RBMS3: variants seen among roughly 807,000 people sequenced by gnomAD.
RBMS3 encodes RNA binding motif single stranded interacting protein 3.
A neutral mutation model predicts 66.8 loss-of-function variants in RBMS3; 27 were observed. That is an observed-to-expected ratio of 0.40 (90% confidence interval 0.30 to 0.56). The LOEUF (loss-of-function observed/expected upper bound fraction) is 0.56. Among genes scored for constraint, RBMS3 ranks in the 20% least tolerant of loss-of-function variants. The pLI, the probability that RBMS3 is intolerant of heterozygous loss-of-function variation, is 0.40. For synonymous variants in RBMS3, 188 were observed against 183.0 expected (o/e 1.03, Z -0.22); for missense variants, 513 against 549.5 (o/e 0.93, Z 0.66).
chr3:29,534,883 T>C (rs566370250), intron 3 of RBMS3, among the ~76,000 whole-genome samples: 2 of 152,108 alleles, frequency 1.3e-5, no homozygotes, highest in South Asian at 4.1e-4. Context: ...GTTTTCTTGA[T>C]GGGAAAGATT....
At chr3:29,798,293 AGGGAAGGGAG>A (rs1398657765) in intron 6 of RBMS3, among the ~76,000 whole-genome samples, 10 of 99,778 alleles carry the variant, frequency 1.0e-4, no homozygotes, top group Non-Finnish European at 1.8e-4. Context: ...AGGGAAGAGA[AGGGAAGGGAG>A]GGGAAGGGAG....
At chr3:29,627,634 T>C (rs1168857149) in intron 4 of RBMS3, among the ~76,000 whole-genome samples, 1 of 152,192 alleles carries the variant, frequency 6.6e-6, no homozygotes, top group Non-Finnish European at 1.5e-5. Flanking sequence ...TGCTCCTGAA[T>C]GTACCCCCTT....
chr3:29,362,937 G>C (rs1020023362), intron 1 of RBMS3, among the ~76,000 whole-genome samples: 1 of 152,114 alleles, frequency 6.6e-6, no homozygotes, highest in Admixed American at 6.6e-5. Context: ...CTATGATCTT[G>C]CTTTGTACAA....
intron 4 of RBMS3, among the ~76,000 whole-genome samples, chr3:29,666,906 C>T (rs971308490): frequency 1.3e-5 from 2 of 152,190 alleles, no homozygotes; most frequent in African/African-American, 2.4e-5. Context: ...TACGTAGCAC[C>T]TACTCACCTA....
At chr3:29,614,366 CAA>C (rs1463250050) in intron 4 of RBMS3, 1 of 151,986 alleles carries the variant, frequency 6.6e-6, no homozygotes, top group Non-Finnish European at 1.5e-5. Flanking sequence ...ATTTTATTGA[CAA>C]GAGAAATAAG....
intron 6 of RBMS3, among the ~76,000 whole-genome samples, chr3:29,805,751 CTA>C (rs1156526404): frequency 6.6e-6 from 1 of 151,712 alleles, no homozygotes; most frequent in Non-Finnish European, 1.5e-5. Flanking sequence ...AATGTGATTA[CTA>C]AAGAGTCAAA....
At chr3:29,893,287 C>A (rs962750656) in intron 8 of RBMS3, among the ~76,000 whole-genome samples, 1 of 151,384 alleles carries the variant, frequency 6.6e-6, no homozygotes, top group Non-Finnish European at 1.5e-5. Flanking sequence ...ATTAAATTTT[C>A]CCCCAAGGGT....
At chr3:29,297,305 A>G (rs942022970) in intron 1 of RBMS3, among the ~76,000 whole-genome samples, 10 of 151,902 alleles carry the variant, frequency 6.6e-5, no homozygotes, top group African/African-American at 2.4e-4. Flanking sequence ...ATATATTAAC[A>G]TATTATGAAG....
chr3:29,863,022 G>A (rs1032098540), intron 6 of RBMS3, among the ~76,000 whole-genome samples: 2 of 152,068 alleles, frequency 1.3e-5, no homozygotes, highest in African/African-American at 4.8e-5. Flanking sequence ...AGACGATTAT[G>A]TGAATTTTAG....
chr3:29,534,244 A>G (rs1003340467), intron 3 of RBMS3, among the ~76,000 whole-genome samples: 1 of 152,216 alleles, frequency 6.6e-6, no homozygotes, highest in African/African-American at 2.4e-5. Context: ...AGCCTTTACT[A>G]CCAACTGGAT....
At chr3:29,800,694 T>G (rs2149442383) in intron 6 of RBMS3, among the ~76,000 whole-genome samples, 1 of 152,272 alleles carries the variant, frequency 6.6e-6, no homozygotes, top group African/African-American at 2.4e-5. Context: ...CAATTTCTGT[T>G]TATTCAATAG....
At chr3:29,398,391 C>A (rs1405630268) in intron 1 of RBMS3, among the ~76,000 whole-genome samples, 1 of 152,174 alleles carries the variant, frequency 6.6e-6, no homozygotes, top group East Asian at 1.9e-4. Flanking sequence ...GCAAATTCCT[C>A]TCCCTTTTTC....
intron 3 of RBMS3, among the ~76,000 whole-genome samples, chr3:29,505,596 C>CT (rs1436485003): frequency 6.7e-6 from 1 of 149,470 alleles, no homozygotes; most frequent in Non-Finnish European, 1.5e-5. Flanking sequence ...AATTTTAGGA[C>CT]TTTTTTTTAT....
At chr3:29,503,416 C>G (rs1001084732) in intron 3 of RBMS3, among the ~76,000 whole-genome samples, 7 of 152,030 alleles carry the variant, frequency 4.6e-5, no homozygotes, top group African/African-American at 1.7e-4. Flanking sequence ...CAGCTATATT[C>G]AAGCACATGC....
intron 7 of RBMS3, among the ~76,000 whole-genome samples, chr3:29,879,116 G>A (rs1178844592): frequency 2.0e-5 from 3 of 151,902 alleles, no homozygotes; most frequent in Admixed American, 6.6e-5. Flanking sequence ...GTTATACTAC[G>A]CCAGTATTTT....
At chr3:29,586,090 AATGAG>A (rs2047510978) in intron 3 of RBMS3, among the ~76,000 whole-genome samples, 1 of 152,072 alleles carries the variant, frequency 6.6e-6, no homozygotes, top group African/African-American at 2.4e-5. Context: ...AAAACTTCTA[AATGAG>A]ATAAGTATAA....
At chr3:29,628,654 T>G (rs754412356) in intron 4 of RBMS3, among the ~76,000 whole-genome samples, 4 of 151,902 alleles carry the variant, frequency 2.6e-5, no homozygotes, top group Non-Finnish European at 5.9e-5. Context: ...CAGTATACGT[T>G]TCATATGTTC....
At chr3:29,365,086 C>G (rs187462072) in intron 1 of RBMS3, among the ~76,000 whole-genome samples, 56 of 151,024 alleles carry the variant, frequency 3.7e-4, no homozygotes, top group African/African-American at 1.4e-3. Flanking sequence ...TAGGATGTGA[C>G]TACAGGTTCC....
At chr3:29,593,246 C>G (rs1001559634) in intron 4 of RBMS3, among the ~76,000 whole-genome samples, 1 of 152,152 alleles carries the variant, frequency 6.6e-6, no homozygotes, top group African/African-American at 2.4e-5. Flanking sequence ...TGTGGCTTGT[C>G]TACCAAAGCT....
Sources: allele counts gnomAD v4.1 joint callset (sites outside exome capture counted in the v4.1 genomes callset), GRCh38; gene constraint gnomAD v4.1.1; transcripts MANE v1.5; gene names NCBI Gene and HGNC (gene_info 2026-07-23, HGNC 2026-07-21).